The following HMCN1 variants were observed in gnomAD, a reference collection of about 807,000 sequenced individuals.
The protein encoded by HMCN1 is hemicentin-1.
In HMCN1, 321 loss-of-function variants were observed where a neutral mutation model predicts 625.9. The ratio of observed to expected loss-of-function variants is 0.51; its 90% CI spans 0.47 to 0.56. The LOEUF (loss-of-function observed/expected upper bound fraction) is 0.56. Among genes scored for constraint, HMCN1 ranks in the 20% least tolerant of loss-of-function variants. HMCN1 has a pLI of 0.00. For missense variants in HMCN1, 6,588 were observed against 6,887.3 expected (o/e 0.96, Z 1.54); for synonymous variants, 2,425 against 2,417.6 (o/e 1.00, Z -0.09).
At chr1:186,120,799 A>G (rs12406425) in intron 80 of HMCN1, among the ~76,000 whole-genome samples, 7 of 152,210 alleles carry the variant, frequency 4.6e-5, no homozygotes, top group Admixed American at 4.6e-4. Flanking sequence ...TTTATTCAAC[A>G]TTAATAACTG....
At chr1:186,099,404 T>C (rs896098055) in intron 68 of HMCN1, among the ~76,000 whole-genome samples, 1 of 152,032 alleles carries the variant, frequency 6.6e-6, no homozygotes, top group Admixed American at 6.6e-5. Context: ...GGAGATGACA[T>C]AATGTGATCC....
Position 185,734,680 on chromosome 1 carries a change from T to C in HMCN1, c.-100T>C. 8.4e-7 allele frequency: 1 copy of C among 1,188,308 alleles called. No homozygotes were observed. The allele number at this position is 1,188,308 out of a possible 1,614,324, so 73.6% of individuals were successfully genotyped here. On this transcript the variant is annotated 5_prime_UTR_variant, in exon 1 of 107. Coordinates refer to ENST00000271588, the MANE Select transcript of HMCN1 (RefSeq NM_031935.3). ...TGCTAGTTCAGAGATTCCAAGAGTCTGATGAGTTACTCTGAGAGGAAACCC... is the reference window on the plus strand; with the variant it reads ...TGCTAGTTCAGAGATTCCAAGAGTCCGATGAGTTACTCTGAGAGGAAACCC...
intron 1 of HMCN1, among the ~76,000 whole-genome samples, chr1:185,754,584 T>C (rs1655017393): frequency 1.3e-5 from 2 of 152,324 alleles, no homozygotes; most frequent in South Asian, 2.1e-4. Flanking sequence ...TCTTTACATA[T>C]ATTTTAGACC....
intron 18 of HMCN1, among the ~76,000 whole-genome samples, chr1:185,983,657 G>A (rs1651813678): frequency 6.6e-6 from 1 of 152,080 alleles, no homozygotes; most frequent in Admixed American, 6.6e-5. Flanking sequence ...AGCCCTCCCT[G>A]ACACAATTCA....
intron 1 of HMCN1, among the ~76,000 whole-genome samples, chr1:185,772,680 A>G (rs1005328782): frequency 2.0e-5 from 3 of 152,114 alleles, no homozygotes; most frequent in South Asian, 2.1e-4. Flanking sequence ...TACCTTCTCT[A>G]TTAAGGGAAG....
chr1:185,992,930 G>A (rs1652529641), intron 22 of HMCN1, among the ~76,000 whole-genome samples: 1 of 152,088 alleles, frequency 6.6e-6, no homozygotes, highest in Non-Finnish European at 1.5e-5. Context: ...GCAGAAAGAA[G>A]CACAATTATT....
At chr1:186,134,478 C>G (rs1411601029) in intron 86 of HMCN1, among the ~76,000 whole-genome samples, 1 of 152,044 alleles carries the variant, frequency 6.6e-6, no homozygotes, top group Non-Finnish European at 1.5e-5. Flanking sequence ...AGCACTGGCC[C>G]TGAAAGTTTC....
In HMCN1 at chr1:185,993,293, C is replaced by T; in HGVS notation, c.3489C>T (p.Val1163=). The change falls in exon 23 of 107, where the codon GTC becomes GTT. Residue 1163 remains valine, a synonymous_variant. Coordinates refer to ENST00000271588, the MANE Select transcript of HMCN1 (RefSeq NM_031935.3). The stretch of plus-strand genomic sequence containing the variant: ...TTGCTGGGAATGTGACTCAGGCTGT[C>T]AAATTAAATGTCCATGGTGAGTCTT... ...TNIAGNVTQA[V]KLNVHVPPKI... The T allele has an allele frequency of 6.2e-7, 1 of 1,612,840 alleles. No homozygotes were observed. Among genetic ancestry groups the T allele is most frequent in the South Asian group, 1.1e-5 (1 of 91,032 alleles).
At position 186,093,483 on chromosome 1, in the gene HMCN1, T is replaced by C. The variant is rs1166106478; in HGVS notation, c.10013-3T>C. On this transcript the variant is annotated splice_polypyrimidine_tract_variant and splice_region_variant and intron_variant, in intron 65 of 106. Coordinates refer to ENST00000271588, the MANE Select transcript of HMCN1 (RefSeq NM_031935.3). ...CCTCTCTCTCACTTTCTGCACAACATAGTTACACCTACAATTAGGGGTAAT... is the reference window on the plus strand; with the variant it reads ...CCTCTCTCTCACTTTCTGCACAACACAGTTACACCTACAATTAGGGGTAAT... The C allele has an allele frequency of 6.2e-7, 1 of 1,613,018 alleles. No individual in the cohort carries two copies. Among genetic ancestry groups the C allele is most frequent in the Admixed American group, 1.7e-5 (1 of 59,896 alleles).
rs566242081 is a variant in HMCN1 at position 185,822,125 on chromosome 1, G to A, written c.269-23901G>A. Among the ~76,000 whole-genome samples, 7 of 152,218 alleles carry A rather than the reference G, an allele frequency of 4.6e-5. No individual in the cohort carries two copies. The South Asian group carries it at 1.5e-3, about 32-fold the overall frequency. ...AATTACTCCATGTGGTAATATAATG[G>A]TAGGTATATGTCACTATACATTTGT... On this transcript the variant is annotated intron_variant, in intron 1 of 106. Coordinates refer to ENST00000271588, the MANE Select transcript of HMCN1 (RefSeq NM_031935.3).
chr1:186,152,941 G>A (rs1284400026), intron 96 of HMCN1, 70 bp downstream of exon 96: 17 of 1,579,582 alleles, frequency 1.1e-5, no homozygotes, highest in Non-Finnish European at 1.4e-5. Context: ...CATAGAATGA[G>A]CACAGATAAC....
At chr1:186,118,264 T>G (rs947092978) in intron 77 of HMCN1, among the ~76,000 whole-genome samples, 3 of 152,192 alleles carry the variant, frequency 2.0e-5, no homozygotes, top group South Asian at 4.1e-4. Flanking sequence ...AAGTAGCAAC[T>G]AATATCCTGG....
At chr1:185,799,413 G>A (rs1658633799) in intron 1 of HMCN1, among the ~76,000 whole-genome samples, 1 of 152,202 alleles carries the variant, frequency 6.6e-6, no homozygotes, top group Non-Finnish European at 1.5e-5. Flanking sequence ...TCCACTCTCA[G>A]CCCCAGAGTG....
chr1:186,145,725 A>G (rs1384496359), intron 92 of HMCN1, 28 bp from the exon 93 acceptor site: 1 of 1,614,140 alleles, frequency 6.2e-7, no homozygotes, highest in Admixed American at 1.7e-5. Flanking sequence ...CAATTTCTTA[A>G]CAGTGACCAT....
intron 1 of HMCN1, among the ~76,000 whole-genome samples, chr1:185,790,386 A>C (rs144074960): frequency 6.6e-6 from 1 of 152,084 alleles, no homozygotes; most frequent in African/African-American, 2.4e-5. Context: ...TGATGCTACC[A>C]CTGCTCTGTT....
intron 36 of HMCN1, among the ~76,000 whole-genome samples, chr1:186,025,164 T>C (rs544936735): frequency 7.0e-4 from 106 of 152,020 alleles, no homozygotes; most frequent in African/African-American, 2.5e-3. Context: ...TTCGTACTCC[T>C]AGGAGAATCT....
chr1:186,062,926 C>G (rs1157005661), intron 48 of HMCN1, among the ~76,000 whole-genome samples: 1 of 150,644 alleles, frequency 6.6e-6, no homozygotes, highest in East Asian at 1.9e-4. Context: ...CGATATTTGA[C>G]TTTCTGTTTC....
intron 2 of HMCN1, among the ~76,000 whole-genome samples, chr1:185,858,713 A>ACTGC (rs1662659697): frequency 7.0e-6 from 1 of 143,262 alleles, no homozygotes; most frequent in African/African-American, 2.6e-5. Context: ...GGCCTTCCAA[A>ACTGC]CTGCTGAGAT....
At chr1:186,181,774 A>T (rs1280375659) in intron 104 of HMCN1, among the ~76,000 whole-genome samples, 1 of 152,104 alleles carries the variant, frequency 6.6e-6, no homozygotes, top group Non-Finnish European at 1.5e-5. Flanking sequence ...AGTAATCTCA[A>T]TAGGAATATT....
Sources: allele counts gnomAD v4.1 joint callset (sites outside exome capture counted in the v4.1 genomes callset), GRCh38; gene constraint gnomAD v4.1.1; transcripts MANE v1.5; gene names NCBI Gene and HGNC (gene_info 2026-07-23, HGNC 2026-07-21).